Variants in LRRC4C observed in about 807,000 individuals in gnomAD.
LRRC4C encodes the protein leucine-rich repeat-containing protein 4C.
In LRRC4C, 5 loss-of-function variants were observed where a neutral mutation model predicts 33.6. The ratio of observed to expected loss-of-function variants is 0.15; its 90% CI spans 0.08 to 0.31. LRRC4C has a LOEUF of 0.31. LRRC4C is among the 10% of genes least tolerant of loss of function. The probability of loss-of-function intolerance (pLI) is 1.00; values close to 1 mark genes in which losing one functional copy is unlikely to be tolerated. For synonymous variants in LRRC4C, 329 were observed against 302.0 expected, an observed-to-expected ratio of 1.09 and a Z score of -0.93; for missense variants, 560 against 796.7, an observed-to-expected ratio of 0.70 and a Z score of 3.58.
intron 2 of LRRC4C, among the ~76,000 whole-genome samples, chr11:40,679,432 C>T (rs1398830026): frequency 2.0e-5 from 3 of 152,154 alleles, no homozygotes; most frequent in African/African-American, 4.8e-5. Flanking sequence ...GAAAAAATGT[C>T]TCCAGGGCAT....
At chr11:41,308,512 G>A (rs1468035010) in intron 1 of LRRC4C, among the ~76,000 whole-genome samples, 1 of 152,168 alleles carries the variant, frequency 6.6e-6, no homozygotes, top group Non-Finnish European at 1.5e-5. Context: ...GGCATCAAAA[G>A]CCTATCTACA....
chr11:40,539,608 C>A (rs1956621756), intron 3 of LRRC4C, among the ~76,000 whole-genome samples: 1 of 151,954 alleles, frequency 6.6e-6, no homozygotes, highest in African/African-American at 2.4e-5. Context: ...TTGCAAAAGT[C>A]CAATAATTAA....
intron 1 of LRRC4C, among the ~76,000 whole-genome samples, chr11:41,305,913 TA>T (rs202068691): frequency 0.043 from 3,566 of 82,630 alleles, 151 homozygotes; most frequent in African/African-American, 0.11. Flanking sequence ...AAAAATAAAT[TA>T]AAAAAAAATA....
intron 3 of LRRC4C, among the ~76,000 whole-genome samples, chr11:40,416,426 G>A (rs1298980779): frequency 6.6e-6 from 1 of 152,116 alleles, no homozygotes; most frequent in Non-Finnish European, 1.5e-5. Context: ...AGGTCCTAAA[G>A]GAAGAAGGAG....
chr11:40,824,679 G>A (rs533857969), intron 2 of LRRC4C, among the ~76,000 whole-genome samples: 4 of 151,660 alleles, frequency 2.6e-5, no homozygotes, highest in South Asian at 2.1e-4. Context: ...ATTTCTAAGC[G>A]GGCCTGCAAG....
chr11:41,052,847 C>G (rs1332696845), intron 1 of LRRC4C, among the ~76,000 whole-genome samples: 1 of 152,022 alleles, frequency 6.6e-6, no homozygotes, highest in African/African-American at 2.4e-5. Context: ...TTTAATTTTC[C>G]TTTGATACAT....
At chr11:41,273,543 T>C (rs185510713) in intron 1 of LRRC4C, among the ~76,000 whole-genome samples, 41 of 152,260 alleles carry the variant, frequency 2.7e-4, no homozygotes, top group African/African-American at 9.9e-4. Flanking sequence ...TTTAAAATGG[T>C]CAAACTCATA....
Position 40,762,982 on chromosome 11 carries a change from G to T in LRRC4C, c.-406-114704C>A, listed in dbSNP as rs77335295. Among the ~76,000 whole-genome samples the T allele has an allele frequency of 1.2e-3, 182 of 151,056 alleles. 1 individual carries two copies. In the East Asian group the frequency reaches 0.03, roughly 25 times the overall value. ...TTTTGCATATTAACAGGGCAAAAGG[G>T]CTTGGCTCAAAAATAAGAAAAGATA... On this transcript the variant is annotated intron_variant, in intron 2 of 6. Coordinates refer to ENST00000528697, the MANE Select transcript of LRRC4C (RefSeq NM_001258419.2).
intron 2 of LRRC4C, among the ~76,000 whole-genome samples, chr11:40,855,450 C>T (rs1343418811): frequency 1.3e-5 from 2 of 152,114 alleles, no homozygotes; most frequent in African/African-American, 2.4e-5. Context: ...ACTCACCATC[C>T]ATATGCAGTG....
At chr11:40,196,220 G>A (rs780818322) in intron 5 of LRRC4C, among the ~76,000 whole-genome samples, 1 of 152,154 alleles carries the variant, frequency 6.6e-6, no homozygotes, top group Non-Finnish European at 1.5e-5. Flanking sequence ...CAGACACTAC[G>A]AAGGGGTAAA....
At chr11:40,785,975 C>T (rs1324517757) in intron 2 of LRRC4C, among the ~76,000 whole-genome samples, 1 of 151,696 alleles carries the variant, frequency 6.6e-6, no homozygotes, top group Non-Finnish European at 1.5e-5. Flanking sequence ...TTGTTTTTTT[C>T]AGAATCCAGT....
chr11:41,227,938 T>C (rs1947615488), intron 1 of LRRC4C, among the ~76,000 whole-genome samples: 1 of 152,018 alleles, frequency 6.6e-6, no homozygotes, highest in Non-Finnish European at 1.5e-5. Flanking sequence ...TTAACATGTA[T>C]ACTTAACAGT....
chr11:40,750,255 C>T (rs1224735327), intron 2 of LRRC4C, among the ~76,000 whole-genome samples: 1 of 151,940 alleles, frequency 6.6e-6, no homozygotes, highest in African/African-American at 2.4e-5. Flanking sequence ...ACCAGATGGG[C>T]ACAGCTAGAT....
intron 3 of LRRC4C, among the ~76,000 whole-genome samples, chr11:40,567,735 A>G (rs182969426): frequency 1.3e-5 from 2 of 152,226 alleles, no homozygotes; most frequent in Non-Finnish European, 2.9e-5. Context: ...TAAGAGTCAG[A>G]TAAGACATAA....
chr11:41,397,383 A>C (rs1953861161), intron 1 of LRRC4C, among the ~76,000 whole-genome samples: 1 of 151,968 alleles, frequency 6.6e-6, no homozygotes, highest in Admixed American at 6.6e-5. Context: ...CACCTTTATG[A>C]TGATCCACTT....
At chr11:40,857,009 C>T (rs889981282) in intron 2 of LRRC4C, among the ~76,000 whole-genome samples, 2 of 152,074 alleles carry the variant, frequency 1.3e-5, no homozygotes, top group East Asian at 1.9e-4. Flanking sequence ...TCAAACTGTT[C>T]ATTTTATAGA....
chr11:40,243,231 A>G (rs1866060901), intron 4 of LRRC4C, among the ~76,000 whole-genome samples: 1 of 152,312 alleles, frequency 6.6e-6, no homozygotes, highest in African/African-American at 2.4e-5. Context: ...TTTCTACACT[A>G]TAATTAATGT....
chr11:41,020,125 G>T (rs980506083), intron 1 of LRRC4C, among the ~76,000 whole-genome samples: 9 of 152,054 alleles, frequency 5.9e-5, no homozygotes, highest in African/African-American at 9.7e-5. Flanking sequence ...CTAACTACTG[G>T]ATTGATTTTT....
intron 3 of LRRC4C, among the ~76,000 whole-genome samples, chr11:40,368,110 T>A (rs1340195591): frequency 6.6e-6 from 1 of 152,180 alleles, no homozygotes; most frequent in Non-Finnish European, 1.5e-5. Context: ...AACATTTGTA[T>A]TGATTATAAA....
Sources: gnomAD v4.1 joint callset for allele counts (sites outside exome capture counted in the v4.1 genomes callset) on GRCh38, gnomAD v4.1.1 for gene constraint, MANE v1.5 for transcripts, NCBI Gene and HGNC (gene_info 2026-07-23, HGNC 2026-07-21) for gene names.